ADGRL2: variants seen among roughly 807,000 people sequenced by gnomAD.
ADGRL2 encodes the protein calcium-independent alpha-latrotoxin receptor 2.
Under a neutral mutation model 157.4 loss-of-function variants are expected in ADGRL2, and 44 were observed. The ratio of observed to expected loss-of-function variants is 0.28; its 90% CI spans 0.22 to 0.36. ADGRL2 has a LOEUF of 0.36. Among genes scored for constraint, ADGRL2 ranks in the 10% least tolerant of loss-of-function variants. The pLI, the probability that ADGRL2 is intolerant of heterozygous loss-of-function variation, is 1.00. For missense variants in ADGRL2, 1,510 were observed against 1,768.9 expected, an observed-to-expected ratio of 0.85 and a Z score of 2.63; for synonymous variants, 585 against 624.7, an observed-to-expected ratio of 0.94 and a Z score of 0.95.
chr1:81,733,917 A>G (rs2084809473), intron 1 of ADGRL2, among the ~76,000 whole-genome samples: 1 of 152,182 alleles, frequency 6.6e-6, no homozygotes. Context: ...GAAATAATTT[A>G]TACAACAAAC....
intron 22 of ADGRL2, chr1:81,987,477 C>T: frequency 1.3e-6 from 1 of 756,716 alleles, no homozygotes. Context: ...TCAATATATC[C>T]AAACTATAGT....
intron 3 of ADGRL2, among the ~76,000 whole-genome samples, chr1:81,597,466 T>TA: frequency 6.6e-6 from 1 of 152,332 alleles, no homozygotes; most frequent in East Asian, 1.9e-4. Context: ...GCAGTAATGA[T>TA]AAAAACGTGA....
Position 81,480,696 on chromosome 1 carries a change from T to C in ADGRL2, c.-248+35607T>C, listed in dbSNP as rs1018543218. Among the ~76,000 whole-genome samples the C allele has an allele frequency of 7.2e-5, 11 of 152,320 alleles. No homozygotes were observed. In the South Asian group the frequency reaches 2.3e-3, roughly 32 times the overall value. ...AGCATTCACTTATATAACGACTAAG[T>C]GGTTTTTGAAAACTCATTGTATCCT... On this transcript the variant is annotated intron_variant, in intron 2 of 24. Transcript: ENST00000370721.
intron 1 of ADGRL2, among the ~76,000 whole-genome samples, chr1:81,416,298 C>T (rs887626315): frequency 2.0e-5 from 3 of 148,078 alleles, no homozygotes; most frequent in Non-Finnish European, 4.5e-5. Context: ...ACTGTATATA[C>T]CCTGAACAAC....
At chr1:81,733,100 T>A (rs913389803) in intron 1 of ADGRL2, among the ~76,000 whole-genome samples, 3 of 152,214 alleles carry the variant, frequency 2.0e-5, no homozygotes, top group Admixed American at 2.0e-4. Flanking sequence ...AAAAGTTTGC[T>A]GCAAAAGGTG....
At chr1:81,989,590 T>C in intron 23 of ADGRL2, 2 of 1,370,042 alleles carry the variant, frequency 1.5e-6, no homozygotes, top group East Asian at 2.3e-5. Flanking sequence ...TCTGACTAAG[T>C]TGCTGAGAAG....
intron 4 of ADGRL2, among the ~76,000 whole-genome samples, chr1:81,938,583 T>G (rs1334893636): frequency 2.0e-5 from 3 of 151,712 alleles, no homozygotes; most frequent in Admixed American, 6.6e-5. Context: ...TTTTTGTCTT[T>G]TAATTTAAAA....
At chr1:81,562,090 A>G (rs180708557) in intron 2 of ADGRL2, among the ~76,000 whole-genome samples, 6 of 152,312 alleles carry the variant, frequency 3.9e-5, no homozygotes, top group Admixed American at 2.6e-4. Flanking sequence ...AACCCAATCA[A>G]CATTTACAAT....
At chr1:81,354,795 G>T (rs557462590) in intron 1 of ADGRL2, among the ~76,000 whole-genome samples, 11 of 152,240 alleles carry the variant, frequency 7.2e-5, no homozygotes, top group African/African-American at 2.4e-4. Flanking sequence ...TGTATTCCTC[G>T]CTGTCAACTA....
At chr1:81,569,998 C>G (rs1464112810) in intron 2 of ADGRL2, among the ~76,000 whole-genome samples, 5 of 152,076 alleles carry the variant, frequency 3.3e-5, no homozygotes, top group Non-Finnish European at 7.4e-5. Flanking sequence ...CTCCATGGAC[C>G]CTTCCAAAGA....
intron 2 of ADGRL2, among the ~76,000 whole-genome samples, chr1:81,450,953 A>C: frequency 6.6e-6 from 1 of 152,116 alleles, no homozygotes. Context: ...GGAGCTTCTT[A>C]ATTTTGACAT....
At chr1:81,481,372 T>C (rs1459032546) in intron 2 of ADGRL2, among the ~76,000 whole-genome samples, 3 of 152,192 alleles carry the variant, frequency 2.0e-5, no homozygotes, top group Non-Finnish European at 2.9e-5. Context: ...CAGAAAGAAA[T>C]TAGAAGGATG....
Position 81,986,986 on chromosome 1 carries a change from A to G in ADGRL2, c.3594A>G (p.Thr1198=). The part of the protein sequence containing the change: ...NNPYNTLLAE[T]VVCNAPSAPV... ...CCTATAACACATTGCTCGCTGAAAC[A>G]GTTGTATGTAATGCCCCTTCAGCTC... The change falls in exon 22 of 24, where the codon ACA becomes ACG. Residue 1198 remains threonine, a synonymous_variant. Transcript: ENST00000686636. 2 of 1,611,734 alleles carry G rather than the reference A, an allele frequency of 1.2e-6. No homozygotes were observed. Among genetic ancestry groups the G allele is most frequent in the Non-Finnish European group, 1.7e-6 (2 of 1,179,274 alleles).
At chr1:81,715,886 CAAGA>C (rs1228108923) in intron 1 of ADGRL2, among the ~76,000 whole-genome samples, 4 of 152,076 alleles carry the variant, frequency 2.6e-5, no homozygotes, top group African/African-American at 9.7e-5. Context: ...CCAACCAGAT[CAAGA>C]AAGGTAAGAT....
intron 3 of ADGRL2, among the ~76,000 whole-genome samples, chr1:81,649,401 G>T (rs1242175236): frequency 6.6e-6 from 1 of 152,118 alleles, no homozygotes; most frequent in Non-Finnish European, 1.5e-5. Flanking sequence ...ATTTTAAAAG[G>T]TCTGTTATCT....
intron 7 of ADGRL2, 31 bp from the exon 8 acceptor site, chr1:81,950,987 A>C (rs372778343): frequency 6.9e-7 from 1 of 1,449,236 alleles, no homozygotes; most frequent in Admixed American, 1.7e-5. Context: ...AATGGTTTCA[A>C]TTTCACTGTT....
intron 1 of ADGRL2, among the ~76,000 whole-genome samples, chr1:81,705,322 C>G (rs1436019434): frequency 6.6e-6 from 1 of 152,152 alleles, no homozygotes; most frequent in East Asian, 1.9e-4. Flanking sequence ...TGAGCCACCA[C>G]GCCCAGCCCT....
intron 2 of ADGRL2, among the ~76,000 whole-genome samples, chr1:81,489,227 ACT>A (rs1405684030): frequency 7.0e-6 from 1 of 142,824 alleles, no homozygotes; most frequent in African/African-American, 2.9e-5. Context: ...ACAGAGGGAG[ACT>A]CTGTCTCAAA....
chr1:81,903,853 G>C (rs1429494463), intron 2 of ADGRL2, among the ~76,000 whole-genome samples: 1 of 132,346 alleles, frequency 7.6e-6, no homozygotes, highest in Non-Finnish European at 1.6e-5. Context: ...ACACATATTT[G>C]GTTGGAAATA....
Sources: allele counts gnomAD v4.1 joint callset (sites outside exome capture counted in the v4.1 genomes callset), GRCh38; gene constraint gnomAD v4.1.1; transcripts MANE v1.5; gene names NCBI Gene and HGNC (gene_info 2026-07-23, HGNC 2026-07-21).